The following NYX variants were observed in gnomAD, a reference collection of about 807,000 sequenced individuals.
NYX encodes the protein leucine-rich repeat protein.
For missense variants in NYX, 481 were observed against 485.4 expected, an observed-to-expected ratio of 0.99 and a Z score of 0.09; for synonymous variants, 258 against 245.7, an observed-to-expected ratio of 1.05 and a Z score of -0.47.
intron 2 of NYX, among the ~76,000 whole-genome samples, chrX:41,463,761 G>T (rs2042027549): frequency 9.0e-6 from 1 of 110,692 alleles, no homozygotes; most frequent in African/African-American, 3.3e-5. Flanking sequence ...TAGAGACAGG[G>T]TCTCATCATG....
In NYX at chrX:41,473,700, G is replaced by A. The variant is rs777830978; in HGVS notation, c.232G>A (p.Gly78Ser). The change falls in exon 3 of 3, where the codon GGC becomes AGC. Residue 78 changes from glycine (G) to serine (S), a missense_variant. Transcript: ENST00000378220. Reference sequence around the variant, plus strand: ...GCGCTTCCTGGGCGAGCGAGCCTTCGGCACGCTGCCGTCCTTGCGCCGCCT... The same window carrying A: ...GCGCTTCCTGGGCGAGCGAGCCTTCAGCACGCTGCCGTCCTTGCGCCGCCT... ...GLRFLGERAF[G>S]TLPSLRRLSL... 2.4e-5 allele frequency: 28 copies of A among 1,142,944 alleles called. No individual in the cohort carries two copies. In the South Asian group the frequency reaches 2.5e-4, roughly 10 times the overall value. 94.2% of individuals were successfully genotyped at this position (1,142,944 alleles called of 1,213,427 possible).
intron 2 of NYX, among the ~76,000 whole-genome samples, chrX:41,450,828 A>ATATATATATTTTTTTTT (rs2064276736): frequency 1.5e-5 from 1 of 68,194 alleles, no homozygotes; most frequent in African/African-American, 6.0e-5. Flanking sequence ...ATATATATAT[A>ATATATATATTTTTTTTT]TTTTTTTTTT....
At chrX:41,450,079 G>C (rs965385727) in intron 2 of NYX, among the ~76,000 whole-genome samples, 1 of 111,404 alleles carries the variant, frequency 9.0e-6, no homozygotes, top group Non-Finnish European at 1.9e-5. Context: ...TGGACACACA[G>C]GGCTCCTGGA....
chrX:41,456,129 C>T (rs761675576), intron 2 of NYX, among the ~76,000 whole-genome samples: 5 of 111,114 alleles, frequency 4.5e-5, no homozygotes, highest in Admixed American at 2.9e-4. Flanking sequence ...CTTGACTAGG[C>T]GGTTCAAGAC....
intron 2 of NYX, among the ~76,000 whole-genome samples, chrX:41,460,510 T>A (rs928337775): frequency 2.1e-5 from 2 of 95,254 alleles, no homozygotes; most frequent in Admixed American, 1.2e-4. Flanking sequence ...ATCCATTTTT[T>A]AAAAATAAAT....
intron 2 of NYX, among the ~76,000 whole-genome samples, chrX:41,467,358 A>G (rs940614895): frequency 2.8e-5 from 3 of 108,993 alleles, no homozygotes; most frequent in Non-Finnish European, 3.8e-5. Flanking sequence ...ATTATTATTT[A>G]TTATTTATTA....
intron 2 of NYX, among the ~76,000 whole-genome samples, chrX:41,454,243 C>A (rs1199394665): frequency 1.8e-5 from 2 of 111,668 alleles, no homozygotes; most frequent in African/African-American, 3.2e-5. Context: ...TCTTTACAGC[C>A]TATCCCTAGT....
In NYX at chrX:41,448,312, G is replaced by C. The variant is rs190762523; in HGVS notation, c.22+386G>C. ...GGCTGGAGTACAGTGGTGCGACCTC[G>C]GCACACTGCAAGCTCCGCCTCCCGG... On this transcript the variant is annotated intron_variant, in intron 2 of 2. Transcript: ENST00000378220. Among the ~76,000 whole-genome samples the C allele has an allele frequency of 5.2e-3, 571 of 110,663 alleles. 14 individuals carry two copies. Among genetic ancestry groups the C allele is most frequent in the Admixed American group, 0.051 (529 of 10,318 alleles).
intron 2 of NYX, among the ~76,000 whole-genome samples, chrX:41,449,121 C>A (rs944687847): frequency 9.0e-6 from 1 of 111,707 alleles, no homozygotes; most frequent in African/African-American, 3.2e-5. Flanking sequence ...CCTTTAAATT[C>A]TTCAGTAAAT....
At chrX:41,457,520 C>T (rs1274993126) in intron 2 of NYX, among the ~76,000 whole-genome samples, 1 of 109,840 alleles carries the variant, frequency 9.1e-6, no homozygotes, top group Non-Finnish European at 1.9e-5. Context: ...GTTATGGCAG[C>T]CTGAACTGAT....
At chrX:41,472,408 C>A in intron 2 of NYX, 1 of 1,157,777 alleles carries the variant, frequency 8.6e-7, no homozygotes, top group East Asian at 3.0e-5. Context: ...CACCCTCGTG[C>A]AATGTGAAGC....
At chrX:41,455,517 A>G (rs1292824694) in intron 2 of NYX, among the ~76,000 whole-genome samples, 1 of 110,040 alleles carries the variant, frequency 9.1e-6, no homozygotes, top group Admixed American at 9.8e-5. Context: ...GAGTATTTTA[A>G]GACCGAATGT....
intron 2 of NYX, among the ~76,000 whole-genome samples, chrX:41,455,199 G>A (rs1318314057): frequency 9.1e-6 from 1 of 109,426 alleles, no homozygotes; most frequent in Non-Finnish European, 1.9e-5. Flanking sequence ...TCCGCCTCCT[G>A]GATTCAAGTG....
intron 2 of NYX, among the ~76,000 whole-genome samples, chrX:41,451,596 C>T (rs1245353158): frequency 9.0e-6 from 1 of 111,065 alleles, no homozygotes; most frequent in Non-Finnish European, 1.9e-5. Flanking sequence ...TCACTGCAAC[C>T]TCCGCCTCCC....
chrX:41,448,542 TTTTTCTTTTC>T (rs1181257141), intron 2 of NYX, among the ~76,000 whole-genome samples: 1 of 104,858 alleles, frequency 9.5e-6, no homozygotes, highest in Non-Finnish European at 2.0e-5. Context: ...GTACGGTGGT[TTTTTCTTTTC>T]TTTTCTTTTC....
chrX:41,470,694 C>A (rs200613039), intron 2 of NYX, among the ~76,000 whole-genome samples: 711 of 56,284 alleles, frequency 0.013, no homozygotes, highest in Non-Finnish European at 0.013. Flanking sequence ...GACTCTGTCT[C>A]AAAAAAAAAA....
chrX:41,474,911 G>A lies in NYX; in HGVS notation c.*12G>A. The stretch of plus-strand genomic sequence containing the variant: ...TGCAGATGGACTGACCTGGCCAGAG[G>A]GGGGAAAGTTTGCTTAACTGGGCTT... On this transcript the variant is annotated 3_prime_UTR_variant, in exon 3 of 3. Coordinates refer to ENST00000378220, the MANE Select transcript of NYX (RefSeq NM_001378477.3). 8.4e-7 allele frequency: 1 copy of A among 1,185,333 alleles called. No homozygotes were observed. Among genetic ancestry groups the A allele is most frequent in the Non-Finnish European group, 1.1e-6 (1 of 877,665 alleles).
intron 2 of NYX, among the ~76,000 whole-genome samples, chrX:41,454,862 T>C: frequency 9.2e-6 from 1 of 108,634 alleles, no homozygotes; most frequent in East Asian, 3.0e-4. Context: ...CCACCTTGGC[T>C]TCCCAAAGTG....
chrX:41,473,903 G>A lies in NYX; in HGVS notation c.435G>A (p.Val145=). ...TAGCAGCCTGCCGCCTCTTCAGCGTGCCCGAGCGCCTCCTGGCCGAACTGC... is the reference window on the plus strand; with the variant it reads ...TAGCAGCCTGCCGCCTCTTCAGCGTACCCGAGCGCCTCCTGGCCGAACTGC... The part of the protein sequence containing the change: ...LDLAACRLFS[V]PERLLAELPA... Residue 145 remains valine, a synonymous_variant, in exon 3 of 3, where the codon GTG becomes GTA. Transcript: ENST00000378220. 1 of 1,125,993 alleles carries A rather than the reference G, an allele frequency of 8.9e-7. No homozygotes were observed. The highest frequency in any genetic ancestry group is 1.2e-6 in the Non-Finnish European group (1 of 859,389). The allele number at this position is 1,125,993 out of a possible 1,213,427, so 92.8% of individuals were successfully genotyped here.
Sources: allele counts gnomAD v4.1 joint callset (sites outside exome capture counted in the v4.1 genomes callset), GRCh38; gene constraint gnomAD v4.1.1; transcripts MANE v1.5; gene names NCBI Gene and HGNC (gene_info 2026-07-23, HGNC 2026-07-21).